EDIL3: variants seen among roughly 807,000 people sequenced by gnomAD.
EDIL3 encodes EGF-like repeat and discoidin I-like domain-containing protein 3.
Under a neutral mutation model 67.4 loss-of-function variants are expected in EDIL3, and 37 were observed. The observed-to-expected ratio is 0.55, with a 90% CI of 0.42 to 0.72. The LOEUF (loss-of-function observed/expected upper bound fraction) is 0.72. Ranked by LOEUF, EDIL3 falls within the 30% of genes least tolerant of loss-of-function variation. EDIL3 has a pLI of 0.00. For synonymous variants in EDIL3, 195 were observed against 196.3 expected (o/e 0.99, Z 0.05); for missense variants, 527 against 586.3 (o/e 0.90, Z 1.04).
intron 6 of EDIL3, among the ~76,000 whole-genome samples, chr5:84,088,822 C>T (rs4479823): frequency 0.89 from 135,043 of 152,212 alleles, 60,144 homozygotes; most frequent in East Asian, 1. Flanking sequence ...AAATAGCTAC[C>T]ACTTTAATTA....
chr5:84,024,451 C>A (rs1745776238), intron 9 of EDIL3, among the ~76,000 whole-genome samples: 1 of 152,120 alleles, frequency 6.6e-6, no homozygotes, highest in African/African-American at 2.4e-5. Context: ...ATTTGCTGAG[C>A]ACCCATTATA....
intron 9 of EDIL3, among the ~76,000 whole-genome samples, chr5:83,975,371 A>G (rs892827026): frequency 2.0e-5 from 3 of 152,128 alleles, no homozygotes; most frequent in Admixed American, 6.6e-5. Flanking sequence ...TAGCTCATAA[A>G]CCACAATCTT....
At chr5:83,966,248 C>A (rs1744688714) in intron 9 of EDIL3, among the ~76,000 whole-genome samples, 1 of 152,102 alleles carries the variant, frequency 6.6e-6, no homozygotes, top group African/African-American at 2.4e-5. Flanking sequence ...TGGCTTCATG[C>A]ACTGCATGCA....
intron 1 of EDIL3, among the ~76,000 whole-genome samples, chr5:84,304,551 T>C (rs1267388879): frequency 6.6e-6 from 1 of 152,242 alleles, no homozygotes; most frequent in East Asian, 1.9e-4. Context: ...AAAAAAGTTC[T>C]AGTTCTATGC....
chr5:84,038,522 CCTGA>C (rs1746064565), intron 9 of EDIL3, among the ~76,000 whole-genome samples: 1 of 152,202 alleles, frequency 6.6e-6, no homozygotes, highest in Non-Finnish European at 1.5e-5. Context: ...CCAGCAGATG[CCTGA>C]CTATGTATTT....
intron 5 of EDIL3, among the ~76,000 whole-genome samples, chr5:84,116,352 T>A (rs1747665520): frequency 6.6e-6 from 1 of 152,184 alleles, no homozygotes; most frequent in Admixed American, 6.5e-5. Flanking sequence ...AGATGATTTG[T>A]TCATTTGAAT....
chr5:84,002,571 A>T (rs1012277635), intron 9 of EDIL3, among the ~76,000 whole-genome samples: 1 of 152,242 alleles, frequency 6.6e-6, no homozygotes, highest in Admixed American at 6.5e-5. Flanking sequence ...GAACTTATAA[A>T]CAAATTCAGT....
chr5:84,327,142 T>A (rs1197772533), intron 1 of EDIL3, among the ~76,000 whole-genome samples: 1 of 151,988 alleles, frequency 6.6e-6, no homozygotes, highest in East Asian at 1.9e-4. Flanking sequence ...AGATCTACCC[T>A]GCTAGCAAAT....
chr5:84,370,982 G>A (rs896146418), intron 1 of EDIL3, among the ~76,000 whole-genome samples: 2 of 151,958 alleles, frequency 1.3e-5, no homozygotes, highest in South Asian at 2.1e-4. Flanking sequence ...CTATATGTAA[G>A]GTACCACGTT....
At chr5:84,312,513 A>AC (rs1274496766) in intron 1 of EDIL3, among the ~76,000 whole-genome samples, 4 of 118,186 alleles carry the variant, frequency 3.4e-5, no homozygotes, top group South Asian at 2.9e-4. Context: ...CAGGGGGCTG[A>AC]CCCCCCCACC....
intron 5 of EDIL3, among the ~76,000 whole-genome samples, chr5:84,125,021 A>C (rs955439308): frequency 6.6e-6 from 1 of 152,002 alleles, no homozygotes; most frequent in Non-Finnish European, 1.5e-5. Context: ...ATTTAAATTG[A>C]TCATTCATGA....
At chr5:84,190,515 G>T (rs1385506075) in intron 3 of EDIL3, among the ~76,000 whole-genome samples, 1 of 150,776 alleles carries the variant, frequency 6.6e-6, no homozygotes, top group Non-Finnish European at 1.5e-5. Flanking sequence ...GTTAAAGACA[G>T]AGCAGAGACC....
chr5:84,071,783 T>G (rs1210085871), intron 6 of EDIL3, among the ~76,000 whole-genome samples: 2 of 152,192 alleles, frequency 1.3e-5, no homozygotes, highest in Non-Finnish European at 2.9e-5. Context: ...GTTTGCTTAA[T>G]AGAAGATCAA....
At chr5:84,336,521 C>T (rs575665222) in intron 1 of EDIL3, among the ~76,000 whole-genome samples, 3 of 152,086 alleles carry the variant, frequency 2.0e-5, no homozygotes, top group South Asian at 2.1e-4. Context: ...GAAGAAATCA[C>T]GGGATTCTGG....
At position 84,032,274 on chromosome 5, in the gene EDIL3, T is replaced by C. The variant is rs1177445104; in HGVS notation, c.1137+28026A>G. Among the ~76,000 whole-genome samples the C allele has an allele frequency of 3.3e-5, 5 of 152,164 alleles. No homozygotes were observed. In the South Asian group the frequency reaches 1.0e-3, roughly 31 times the overall value. Reference sequence around the variant, plus strand: ...AACATATGTGGCATTTCCTTAAAAATCCAAACAGCTAAATCATAAAACCAC... The same window carrying C: ...AACATATGTGGCATTTCCTTAAAAACCCAAACAGCTAAATCATAAAACCAC... On this transcript the variant is annotated intron_variant, in intron 9 of 10. Transcript: ENST00000296591.
intron 1 of EDIL3, among the ~76,000 whole-genome samples, chr5:84,365,518 G>T (rs1285485876): frequency 6.6e-6 from 1 of 152,076 alleles, no homozygotes; most frequent in Non-Finnish European, 1.5e-5. Flanking sequence ...CTTCAGAATG[G>T]AAAGTAAGCA....
rs147121832 is a variant in EDIL3, at chr5:84,380,696, T to C, written c.67+3612A>G. On this transcript the variant is annotated intron_variant, in intron 1 of 10. Coordinates refer to ENST00000296591, the MANE Select transcript of EDIL3 (RefSeq NM_005711.5). ...ATAATATATACAGTTCATCCCATTA[T>C]GCAAAATCCTTCAAAAATGAAAAGT... Among the ~76,000 whole-genome samples, 7 of 152,246 alleles carry C rather than the reference T, an allele frequency of 4.6e-5. No homozygotes were observed. In the East Asian group the frequency reaches 9.6e-4, roughly 21 times the overall value.
intron 1 of EDIL3, among the ~76,000 whole-genome samples, chr5:84,301,178 GA>G (rs1399633568): frequency 6.6e-6 from 1 of 151,516 alleles, no homozygotes. Flanking sequence ...TGAGGCGGGA[GA>G]ATCGCTTGAA....
chr5:84,312,618 C>A (rs1361569836), intron 1 of EDIL3, among the ~76,000 whole-genome samples: 2 of 149,468 alleles, frequency 1.3e-5, no homozygotes, highest in Admixed American at 6.6e-5. Context: ...GCTGACCCCC[C>A]CACCTCCTTC....
Sources: allele counts gnomAD v4.1 joint callset (sites outside exome capture counted in the v4.1 genomes callset), GRCh38; gene constraint gnomAD v4.1.1; transcripts MANE v1.5; gene names NCBI Gene and HGNC (gene_info 2026-07-23, HGNC 2026-07-21).